TMPRSS7: variants seen among roughly 807,000 people sequenced by gnomAD.
TMPRSS7 encodes transmembrane serine protease 7.
TMPRSS7 carries 81 observed loss-of-function variants against 95.6 expected under a neutral mutation model. The observed-to-expected ratio is 0.85, with a 90% CI of 0.71 to 1.02. The LOEUF is 1.02. Among genes scored for constraint, TMPRSS7 ranks in the 50% least tolerant of loss-of-function variants. TMPRSS7 has a pLI of 0.00. For synonymous variants in TMPRSS7, 364 were observed against 337.8 expected (o/e 1.08, Z -0.85); for missense variants, 945 against 955.2 (o/e 0.99, Z 0.14).
chr3:112,046,041 GGATTACCCC>G, intron 5 of TMPRSS7, 98 bp downstream of exon 5: 1 of 1,075,586 alleles, frequency 9.3e-7, no homozygotes, highest in East Asian at 2.6e-5. Flanking sequence ...TTACAATGTG[GGATTACCCC>G]ACAATCCCAG....
At position 112,045,747 on chromosome 3, in the gene TMPRSS7, T is replaced by C. The variant is rs1559953509; in HGVS notation, c.498-3T>C. ...CCTGATGATCTCTCTTTTTTCGTTA[T>C]AGCAGCAACAACAAAGGCGGCCTCC... On this transcript the variant is annotated splice_region_variant and splice_polypyrimidine_tract_variant and intron_variant, in intron 4 of 17. Coordinates refer to ENST00000452346, the Ensembl canonical transcript of TMPRSS7. The C allele has an allele frequency of 1.4e-5, 22 of 1,546,618 alleles. No individual in the cohort carries two copies. The highest frequency in any genetic ancestry group is 1.9e-5 in the Non-Finnish European group (22 of 1,144,428).
At chr3:112,077,166 C>T in intron 16 of TMPRSS7, 22 bp downstream of exon 16, 1 of 1,609,208 alleles carries the variant, frequency 6.2e-7, no homozygotes, top group Non-Finnish European at 8.5e-7. Flanking sequence ...AATGAATGGT[C>T]ATGCCCTTCC....
chr3:112,048,019 G>C (rs1301682930), intron 7 of TMPRSS7, 52 bp downstream of exon 7: 2 of 1,535,018 alleles, frequency 1.3e-6, no homozygotes, highest in Non-Finnish European at 1.8e-6. Flanking sequence ...CACAACCTCT[G>C]TTTTACAGTA....
intron 9 of TMPRSS7, among the ~76,000 whole-genome samples, chr3:112,055,911 G>A (rs535555224): frequency 1.4e-4 from 22 of 152,216 alleles, no homozygotes; most frequent in African/African-American, 5.3e-4. Flanking sequence ...GGGCAATGCC[G>A]GCTAGGCACA....
intron 14 of TMPRSS7, among the ~76,000 whole-genome samples, 162 bp from the exon 15 acceptor site, chr3:112,075,159 T>C (rs376485766): frequency 1.3e-5 from 2 of 152,280 alleles, no homozygotes; most frequent in South Asian, 4.1e-4. Context: ...AGTGGTTTGT[T>C]TGTATTGGTT....
intron 5 of TMPRSS7, among the ~76,000 whole-genome samples, chr3:112,046,636 A>G (rs2073282823): frequency 6.6e-6 from 1 of 152,226 alleles, no homozygotes; most frequent in African/African-American, 2.4e-5. Context: ...TATTTCATAT[A>G]TAGGACTAAT....
rs758218775 is a variant in TMPRSS7 at position 112,044,346 on chromosome 3, G to T, written c.497+24G>T. On this transcript the variant is annotated intron_variant, in intron 4 of 17. Transcript: ENST00000452346. ...AGGTAATGCATGTCCCTTGTTTTGA[G>T]ATTTCTGTGTTCATTGTTCTAAAGT... 173 of 1,538,818 alleles carry T rather than the reference G, an allele frequency of 1.1e-4. 5 individuals carry two copies. In the South Asian group the frequency reaches 2.0e-3, roughly 18 times the overall value.
chr3:112,044,302 G>C (rs1322151926), exon 4 of TMPRSS7: 2 of 1,551,386 alleles, frequency 1.3e-6, no homozygotes, highest in Non-Finnish European at 1.7e-6. Flanking sequence ...TTTATGAGCA[G>C]TCTGTTGTTG....
chr3:112,067,630 T>G (rs1002735131), intron 13 of TMPRSS7, among the ~76,000 whole-genome samples: 2 of 152,264 alleles, frequency 1.3e-5, no homozygotes, highest in Non-Finnish European at 2.9e-5. Context: ...AATGTCTTCT[T>G]TTGAGAAGTG....
rs1406998953 is a variant in TMPRSS7, at chr3:112,078,685, C to T, written c.2225-57C>T. On this transcript the variant is annotated intron_variant, in intron 16 of 17. Transcript: ENST00000452346. ...GTGTGTTAACTTTTCAAATGAAGTC[C>T]TGAATACATGCGGCCATTACCACTA... The T allele has an allele frequency of 1.2e-5, 20 of 1,605,826 alleles. No individual in the cohort carries two copies. In the East Asian group the frequency reaches 4.5e-4, roughly 36 times the overall value.
intron 10 of TMPRSS7, among the ~76,000 whole-genome samples, 196 bp downstream of exon 10, chr3:112,057,327 T>C (rs1029349626): frequency 1.3e-5 from 2 of 152,212 alleles, no homozygotes; most frequent in Non-Finnish European, 2.9e-5. Flanking sequence ...GTCTTAGGGC[T>C]CCTGCCCCAC....
At chr3:112,048,871 A>T (rs573327959) in intron 7 of TMPRSS7, among the ~76,000 whole-genome samples, 41 of 152,304 alleles carry the variant, frequency 2.7e-4, no homozygotes, top group Admixed American at 7.2e-4. Flanking sequence ...GCATACTATT[A>T]TTATTACTAC....
chr3:112,037,200 C>G (rs1482087305), intron 1 of TMPRSS7, among the ~76,000 whole-genome samples: 1 of 151,964 alleles, frequency 6.6e-6, no homozygotes, highest in East Asian at 1.9e-4. Flanking sequence ...CTCTTATTGC[C>G]AAAAATGGGT....
intron 10 of TMPRSS7, 84 bp downstream of exon 10, chr3:112,057,215 C>T (rs1559957906): frequency 4.6e-5 from 46 of 995,492 alleles, no homozygotes; most frequent in South Asian, 2.6e-4. Flanking sequence ...AAAGAGTTTG[C>T]GCTTTACCAT....
chr3:112,056,462 TAGTG>T (rs1412908322), intron 9 of TMPRSS7, among the ~76,000 whole-genome samples: 1 of 152,080 alleles, frequency 6.6e-6, no homozygotes, highest in Non-Finnish European at 1.5e-5. Context: ...GTGAGTTGCA[TAGTG>T]TGTGTGTGCA....
intron 8 of TMPRSS7, 142 bp from the exon 9 acceptor site, chr3:112,050,529 A>AAAAAAAAC (rs1268026924): frequency 1.4e-5 from 5 of 360,152 alleles, no homozygotes; most frequent in South Asian, 7.4e-5. Flanking sequence ...TCTGAAAAAA[A>AAAAAAAAC]AAAAAAAAAC....
At chr3:112,036,060 T>C (rs193202969) in intron 1 of TMPRSS7, among the ~76,000 whole-genome samples, 45 of 152,272 alleles carry the variant, frequency 3.0e-4, no homozygotes, top group African/African-American at 1.1e-3. Context: ...ATTTGTGCAG[T>C]TACAAATTGC....
chr3:112,049,800 A>G, intron 7 of TMPRSS7, 44 bp from the exon 8 acceptor site: 2 of 1,454,096 alleles, frequency 1.4e-6, no homozygotes, highest in East Asian at 2.4e-5. Flanking sequence ...CATTTCTCAA[A>G]TAACGTATTA....
At chr3:112,080,798 C>A in intron 17 of TMPRSS7, 116 bp from the exon 18 acceptor site, 2 of 996,702 alleles carry the variant, frequency 2.0e-6, no homozygotes, top group Non-Finnish European at 2.8e-6. Flanking sequence ...GAGTGATTAG[C>A]CAAGCAAAAA....
Sources: gnomAD v4.1 joint callset for allele counts (sites outside exome capture counted in the v4.1 genomes callset) on GRCh38, gnomAD v4.1.1 for gene constraint, MANE v1.5 for transcripts, NCBI Gene and HGNC (gene_info 2026-07-23, HGNC 2026-07-21) for gene names.